The following SNX29 variants were observed in gnomAD, a reference collection of about 807,000 sequenced individuals.
SNX29 encodes the protein sorting nexin-29.
Under a neutral mutation model 102.1 loss-of-function variants are expected in SNX29, and 78 were observed. The observed-to-expected ratio is 0.76, with a 90% CI of 0.64 to 0.92. SNX29 has a LOEUF of 0.92. SNX29 is among the 40% of genes least tolerant of loss of function. SNX29 has a pLI of 0.00. For synonymous variants in SNX29, 580 were observed against 414.5 expected (o/e 1.40, Z -4.85); for missense variants, 1,280 against 1,061.7 (o/e 1.21, Z -2.86).
At chr16:12,162,214 G>C (rs2055816269) in intron 13 of SNX29, among the ~76,000 whole-genome samples, 1 of 152,142 alleles carries the variant, frequency 6.6e-6, no homozygotes, top group South Asian at 2.1e-4. Flanking sequence ...CCTTCTGAGG[G>C]TGTCCAGCCT....
At chr16:12,245,867 C>T (rs1321003231) in intron 14 of SNX29, among the ~76,000 whole-genome samples, 1 of 152,162 alleles carries the variant, frequency 6.6e-6, no homozygotes. Context: ...GTTAGGAAGG[C>T]ACTGGGGCTG....
chr16:12,563,947 A>C (rs67320161), intron 20 of SNX29, among the ~76,000 whole-genome samples: 39,596 of 151,922 alleles, frequency 0.26, 5,756 homozygotes, highest in East Asian at 0.44. Context: ...GATCTTGTTC[A>C]AGAAAGACGA....
chr16:12,205,180 T>TTTCTGAACCATTGCAGGC (rs1424416695), intron 14 of SNX29, among the ~76,000 whole-genome samples: 1 of 152,332 alleles, frequency 6.6e-6, no homozygotes, highest in East Asian at 1.9e-4. Context: ...TTATTCTTTT[T>TTTCTGAACCATTGCAGGC]TTCTGAACCA....
rs141110435 is a variant in SNX29 at position 12,238,043 on chromosome 16, G to C, written c.1678+38360G>C. 3.1e-3 allele frequency among the ~76,000 whole-genome samples: 477 copies of C among 152,326 alleles called. 6 individuals are homozygous for C. Among genetic ancestry groups the C allele is most frequent in the African/African-American group, 0.011 (439 of 41,572 alleles). ...TGAGGAGAAAGTAACTGGGTGTGGG[G>C]GTTGAGGTTGGATAAGGGTGAGACC... is the stretch of plus-strand genomic sequence containing the variant. On this transcript the variant is annotated intron_variant, in intron 14 of 20. Transcript: ENST00000566228.
At chr16:12,544,383 G>C (rs140434499) in intron 20 of SNX29, among the ~76,000 whole-genome samples, 4 of 152,216 alleles carry the variant, frequency 2.6e-5, no homozygotes, top group East Asian at 3.8e-4. Context: ...AGTGGAAGGC[G>C]TTGTGAGGTG....
At chr16:12,557,670 C>A (rs370247336) in intron 20 of SNX29, 26 of 151,840 alleles carry the variant, frequency 1.7e-4, no homozygotes, top group African/African-American at 6.1e-4. Context: ...CCCAAAAAAT[C>A]TTTTTGATGA....
chr16:12,515,438 G>C, intron 19 of SNX29: 1 of 464,590 alleles, frequency 2.2e-6, no homozygotes. Context: ...CCATCCGCAA[G>C]TCACCCCTGA....
intron 18 of SNX29, among the ~76,000 whole-genome samples, chr16:12,467,636 G>GTTCA (rs561044492): frequency 1.4e-4 from 18 of 128,584 alleles, no homozygotes; most frequent in South Asian, 4.7e-4. Context: ...TCGTTCGTTC[G>GTTCA]TTCATTCATT....
intron 14 of SNX29, among the ~76,000 whole-genome samples, chr16:12,240,757 C>G (rs2078080764): frequency 6.6e-6 from 1 of 151,642 alleles, no homozygotes; most frequent in African/African-American, 2.4e-5. Context: ...GTGTGTGTGC[C>G]ACCATACTGG....
intron 13 of SNX29, among the ~76,000 whole-genome samples, chr16:12,153,063 T>G (rs1209580622): frequency 6.6e-6 from 1 of 152,232 alleles, no homozygotes. Context: ...ATAGCTTTCT[T>G]TTGTGCCCCA....
rs183525779 is a variant in SNX29, at chr16:12,074,039, C to T, written c.1320-4794C>T. ...TTTGCTTGGTGGCTCTTCCTCCATC[C>T]TTTTATTTTGAGCCTATGTGTGTCT... On this transcript the variant is annotated intron_variant, in intron 10 of 20. Coordinates refer to ENST00000566228, the MANE Select transcript of SNX29 (RefSeq NM_032167.5). 8.0e-3 allele frequency among the ~76,000 whole-genome samples: 1,223 copies of T among 152,110 alleles called. 19 individuals carry two copies. Among genetic ancestry groups the T allele is most frequent in the African/African-American group, 0.028 (1,165 of 41,480 alleles).
intron 20 of SNX29, among the ~76,000 whole-genome samples, chr16:12,547,965 T>C (rs1180360856): frequency 6.6e-6 from 1 of 152,116 alleles, no homozygotes; most frequent in African/African-American, 2.4e-5. Flanking sequence ...CTCAGTCTTT[T>C]GGGAGACAGC....
At chr16:12,005,949 G>C (rs900765442) in intron 3 of SNX29, among the ~76,000 whole-genome samples, 1 of 152,094 alleles carries the variant, frequency 6.6e-6, no homozygotes, top group Admixed American at 6.6e-5. Flanking sequence ...CATAACCTTT[G>C]TTATAGAAAA....
intron 17 of SNX29, among the ~76,000 whole-genome samples, chr16:12,400,252 C>G (rs557336935): frequency 6.6e-6 from 1 of 152,350 alleles, no homozygotes; most frequent in East Asian, 1.9e-4. Context: ...GCCTTTCCCA[C>G]TCCTCTCCCT....
chr16:11,979,803 CGAACTCCTGGCTTCATGTGATCCACTTGT>C (rs1237830118), intron 1 of SNX29, among the ~76,000 whole-genome samples: 11 of 152,070 alleles, frequency 7.2e-5, no homozygotes, highest in Admixed American at 3.3e-4. Flanking sequence ...AGGCTGGTCT[CGAACTCCTGGCTTCATGTGATCCACTTGT>C]GAACTCCTGG....
intron 16 of SNX29, among the ~76,000 whole-genome samples, chr16:12,359,335 C>G (rs906551130): frequency 6.6e-6 from 1 of 151,292 alleles, no homozygotes; most frequent in African/African-American, 2.5e-5. Flanking sequence ...CCACTTGTAC[C>G]TACCAATACC....
chr16:12,226,063 G>A (rs1345621831), intron 14 of SNX29, among the ~76,000 whole-genome samples: 1 of 152,092 alleles, frequency 6.6e-6, no homozygotes, highest in African/African-American at 2.4e-5. Flanking sequence ...CTTCTCTGTT[G>A]TTCCACTCTT....
At chr16:12,444,478 A>T (rs2085956904) in intron 18 of SNX29, among the ~76,000 whole-genome samples, 1 of 152,226 alleles carries the variant, frequency 6.6e-6, no homozygotes, top group Admixed American at 6.5e-5. Context: ...ATAGACACAG[A>T]TACTCAAGTA....
chr16:12,425,733 C>T (rs2085049597), intron 18 of SNX29, among the ~76,000 whole-genome samples: 1 of 151,990 alleles, frequency 6.6e-6, no homozygotes, highest in Admixed American at 6.5e-5. Context: ...TTTGGGCGGC[C>T]AGGGTCTGCT....
Sources: allele counts gnomAD v4.1 joint callset (sites outside exome capture counted in the v4.1 genomes callset), GRCh38; gene constraint gnomAD v4.1.1; transcripts MANE v1.5; gene names NCBI Gene and HGNC (gene_info 2026-07-23, HGNC 2026-07-21).